The following KLHL14 variants were observed in gnomAD, a reference collection of about 807,000 sequenced individuals.
KLHL14 encodes the protein kelch-like protein 14.
KLHL14 carries 22 observed loss-of-function variants against 64.3 expected under a neutral mutation model. That is an observed-to-expected ratio of 0.34 (90% CI 0.24 to 0.49). The LOEUF is 0.49. Ranked by LOEUF, KLHL14 falls within the 20% of genes least tolerant of loss-of-function variation. KLHL14 has a pLI of 0.99. For missense variants in KLHL14, 661 were observed against 789.0 expected (o/e 0.84, Z 1.94); for synonymous variants, 322 against 333.4 (o/e 0.97, Z 0.37).
rs2050189951 is a variant in KLHL14 at position 32,740,374 on chromosome 18, G to A, written c.1069+1554C>T. On this transcript the variant is annotated intron_variant, in intron 3 of 8. Coordinates refer to ENST00000359358, the MANE Select transcript of KLHL14 (RefSeq NM_020805.3). ...TTCATCTTTTTGTCTTTACTGAAGG[G>A]TGTCAAACAAGTAACAAATTGGACC... 2.0e-5 allele frequency among the ~76,000 whole-genome samples: 3 copies of A among 152,142 alleles called. No homozygotes were observed. The South Asian group carries it at 6.2e-4, about 32-fold the overall frequency.
intron 3 of KLHL14, among the ~76,000 whole-genome samples, chr18:32,704,240 A>G (rs2049979495): frequency 6.6e-6 from 1 of 152,204 alleles, no homozygotes; most frequent in South Asian, 2.1e-4. Context: ...TGTAGTTTAA[A>G]TTATCTTAGA....
chr18:32,741,758 A>G (rs1598572286), intron 3 of KLHL14, among the ~76,000 whole-genome samples, 170 bp downstream of exon 3: 2 of 152,326 alleles, frequency 1.3e-5, no homozygotes, highest in South Asian at 4.1e-4. Flanking sequence ...CACCTCTGCA[A>G]TGTTAATTTA....
chr18:32,691,246 T>G (rs549667217), intron 4 of KLHL14, among the ~76,000 whole-genome samples: 3 of 152,202 alleles, frequency 2.0e-5, no homozygotes, highest in Non-Finnish European at 2.9e-5. Flanking sequence ...TGCCTTCATG[T>G]GCTGAGCATT....
At chr18:32,742,635 T>C (rs1383976768) in intron 2 of KLHL14, among the ~76,000 whole-genome samples, 1 of 152,102 alleles carries the variant, frequency 6.6e-6, no homozygotes, top group Non-Finnish European at 1.5e-5. Flanking sequence ...CTTCTTCCCC[T>C]TCCCCCACTC....
At chr18:32,752,335 G>A (rs2050258528) in intron 2 of KLHL14, among the ~76,000 whole-genome samples, 1 of 152,080 alleles carries the variant, frequency 6.6e-6, no homozygotes, top group African/African-American at 2.4e-5. Flanking sequence ...GGGGAAAAAG[G>A]AAAAAGCGTA....
intron 2 of KLHL14, among the ~76,000 whole-genome samples, chr18:32,766,345 C>T (rs2050344138): frequency 6.6e-6 from 1 of 151,980 alleles, no homozygotes; most frequent in Non-Finnish European, 1.5e-5. Context: ...CTGTTATTTA[C>T]ATTTAATATA....
intron 3 of KLHL14, among the ~76,000 whole-genome samples, chr18:32,721,323 G>A (rs1229185272): frequency 6.6e-6 from 1 of 152,192 alleles, no homozygotes; most frequent in African/African-American, 2.4e-5. Context: ...AGAGAGGCTG[G>A]ACATGCAGCA....
chr18:32,745,162 T>C (rs1282631613), intron 2 of KLHL14: 1 of 152,236 alleles, frequency 6.6e-6, no homozygotes. Flanking sequence ...TCCAAATCTT[T>C]TGCATTGTTG....
intron 3 of KLHL14, among the ~76,000 whole-genome samples, chr18:32,736,193 G>C (rs2050165249): frequency 6.6e-6 from 1 of 152,118 alleles, no homozygotes; most frequent in Non-Finnish European, 1.5e-5. Context: ...TAGGTACCCA[G>C]CTTCCTTGAA....
In KLHL14 at chr18:32,674,578, A is replaced by C; in HGVS notation, c.*79T>G. Reference sequence around the variant, plus strand: ...TTTGGCAGTTGTACCATTAGAATGCATTGTTCCTATTATAATAGTGATGTC... The same window carrying C: ...TTTGGCAGTTGTACCATTAGAATGCCTTGTTCCTATTATAATAGTGATGTC... On this transcript the variant is annotated 3_prime_UTR_variant, in exon 9 of 9. Coordinates refer to ENST00000359358, the MANE Select transcript of KLHL14 (RefSeq NM_020805.3). 1 of 731,740 alleles carries C rather than the reference A, an allele frequency of 1.4e-6. No individual in the cohort carries two copies. The highest frequency in any genetic ancestry group is 1.5e-5 in the South Asian group (1 of 66,552). The allele number at this position is 731,740 out of a possible 1,614,324, so 45.3% of individuals were successfully genotyped here.
At chr18:32,757,765 C>T (rs1440061919) in intron 2 of KLHL14, among the ~76,000 whole-genome samples, 1 of 152,116 alleles carries the variant, frequency 6.6e-6, no homozygotes, top group Non-Finnish European at 1.5e-5. Context: ...CCCAAGTCAA[C>T]AAAGCTAAAA....
In KLHL14 at chr18:32,720,847, G is replaced by A. The variant is rs570521956; in HGVS notation, c.1069+21081C>T. 3.4e-4 allele frequency among the ~76,000 whole-genome samples: 52 copies of A among 152,254 alleles called. No individual in the cohort carries two copies. In the South Asian group the frequency reaches 4.1e-3, roughly 12 times the overall value. ...AATGTCTCTGGACCAGAAGTCATTG[G>A]CAAAGAAAATACTCTACCTTCTTCA... is the stretch of plus-strand genomic sequence containing the variant. On this transcript the variant is annotated intron_variant, in intron 3 of 8. Transcript: ENST00000359358.
chr18:32,761,631 T>A (rs542841312), intron 2 of KLHL14, among the ~76,000 whole-genome samples: 1 of 152,280 alleles, frequency 6.6e-6, no homozygotes, highest in Non-Finnish European at 1.5e-5. Context: ...TCCCAGCCCA[T>A]GCCACTTTTC....
At chr18:32,687,094 A>G in intron 5 of KLHL14, 61 bp downstream of exon 5, 1 of 1,366,416 alleles carries the variant, frequency 7.3e-7, no homozygotes, top group Non-Finnish European at 1.0e-6. Flanking sequence ...AAAACCACCT[A>G]GCACCCATGC....
Position 32,677,220 on chromosome 18 carries a change from C to T in KLHL14, c.1699G>A (p.Val567Met), listed in dbSNP as rs747120554. Residue 567 changes from valine (V) to methionine (M), a missense_variant, in exon 8 of 9, where the codon GTG becomes ATG. Physicochemically the swap from Val to Met is conservative, Grantham distance 21. Coordinates refer to ENST00000359358, the MANE Select transcript of KLHL14 (RefSeq NM_020805.3). The part of the protein sequence containing the change: ...LEGRSGPGCA[V>M]LDDSIYLVGG... Reference sequence around the variant, plus strand: ...ACAAGGTAAATGCTGTCATCAAGCACTGCACAGCCAGGGCCACTTCGACCC... The same window carrying T: ...ACAAGGTAAATGCTGTCATCAAGCATTGCACAGCCAGGGCCACTTCGACCC... The T allele has an allele frequency of 6.2e-7, 1 of 1,613,732 alleles. No homozygotes were observed. The highest frequency in any genetic ancestry group is 8.5e-7 in the Non-Finnish European group (1 of 1,179,726).
intron 2 of KLHL14, among the ~76,000 whole-genome samples, chr18:32,750,459 G>A (rs1031886884): frequency 1.3e-5 from 2 of 152,134 alleles, no homozygotes; most frequent in African/African-American, 4.8e-5. Flanking sequence ...TTGCTTAGAA[G>A]CCTTGCAGAT....
chr18:32,677,174 A>G lies in KLHL14; in HGVS notation c.1745T>C (p.Met582Thr), dbSNP rs1223982456. 1.2e-6 allele frequency: 2 copies of G among 1,611,184 alleles called. No individual in the cohort carries two copies. Among genetic ancestry groups the G allele is most frequent in the East Asian group, 4.5e-5 (2 of 44,864 alleles). The change falls in exon 8 of 9, where the codon ATG (methionine) becomes ACG (threonine). Residue 582 changes from methionine to threonine, a missense_variant and splice_region_variant. Coordinates refer to ENST00000359358, the MANE Select transcript of KLHL14 (RefSeq NM_020805.3). ...GATGCAGTAAATGTGGACACATACC[A>G]TACTCCAGCTGTAGCCTCCCACAAG... ...IYLVGGYSWS[M>T]GAYKSSTICY...
At chr18:32,731,820 A>G (rs1177957811) in intron 3 of KLHL14, among the ~76,000 whole-genome samples, 1 of 152,182 alleles carries the variant, frequency 6.6e-6, no homozygotes, top group Non-Finnish European at 1.5e-5. Flanking sequence ...GGACAATTGT[A>G]TAAACTCAGA....
chr18:32,716,268 T>A (rs918161002), intron 3 of KLHL14, among the ~76,000 whole-genome samples: 1 of 152,196 alleles, frequency 6.6e-6, no homozygotes, highest in Non-Finnish European at 1.5e-5. Context: ...TGTTATTTAA[T>A]TCTTCAGAGA....
Sources: gnomAD v4.1 joint callset for allele counts (sites outside exome capture counted in the v4.1 genomes callset) on GRCh38, gnomAD v4.1.1 for gene constraint, MANE v1.5 for transcripts, NCBI Gene and HGNC (gene_info 2026-07-23, HGNC 2026-07-21) for gene names.